Variants in KIRREL1 observed in about 807,000 individuals in gnomAD.
KIRREL1 encodes the protein kirre like nephrin family adhesion molecule 1, also known as kin of IRRE-like protein 1.
A neutral mutation model predicts 83.3 loss-of-function variants in KIRREL1; 25 were observed. That is an observed-to-expected ratio of 0.30 (90% CI 0.22 to 0.42). The LOEUF (loss-of-function observed/expected upper bound fraction) is 0.42, where lower values mean the gene tolerates loss of function less well. Ranked by LOEUF, KIRREL1 falls within the 10% of genes least tolerant of loss-of-function variation. The pLI is 1.00. For missense variants in KIRREL1, 812 were observed against 1,032.3 expected, an observed-to-expected ratio of 0.79 and a Z score of 2.92; for synonymous variants, 388 against 410.4, an observed-to-expected ratio of 0.95 and a Z score of 0.66.
At chr1:158,022,136 T>C (rs1660017927) in intron 1 of KIRREL1, among the ~76,000 whole-genome samples, 1 of 152,016 alleles carries the variant, frequency 6.6e-6, no homozygotes, top group Non-Finnish European at 1.5e-5. Context: ...TGGGTCAACA[T>C]AATGAAGTTT....
rs147856297 is a variant in KIRREL1 at position 158,094,906 on chromosome 1, A to T, written c.2060A>T (p.Tyr687Phe). 2.5e-6 allele frequency: 4 copies of T among 1,613,890 alleles called. No homozygotes were observed. The African/African-American group carries it at 5.3e-5, about 22-fold the overall frequency. ...ACCAGCCAGCTGTCCTACGAGAACTATGAGAAGTTCAACTCCCATCCCTTC... is the reference window on the plus strand; with the variant it reads ...ACCAGCCAGCTGTCCTACGAGAACTTTGAGAAGTTCAACTCCCATCCCTTC... ...DTTSQLSYEN[Y>F]EKFNSHPFPG... The change falls in exon 15 of 15, where the codon TAT becomes TTT. Residue 687 changes from tyrosine (Y) to phenylalanine (F), a missense_variant. This residue lies in a region of KIRREL1 where 334 missense variants were observed against 383.7 expected (regional missense o/e 0.87). Coordinates refer to ENST00000359209, the MANE Select transcript of KIRREL1 (RefSeq NM_018240.7). The surrounding 1 kb of genome is among the most constrained non-coding windows in gnomAD (Gnocchi z 4.6).
At chr1:158,090,399 G>A (rs942617134) in intron 10 of KIRREL1, among the ~76,000 whole-genome samples, 1 of 151,996 alleles carries the variant, frequency 6.6e-6, no homozygotes, top group Non-Finnish European at 1.5e-5. Context: ...CCCACACCAT[G>A]AGCCATTAAT....
chr1:158,064,630 A>T (rs1661312060), intron 1 of KIRREL1, among the ~76,000 whole-genome samples: 1 of 152,222 alleles, frequency 6.6e-6, no homozygotes, highest in Non-Finnish European at 1.5e-5. Context: ...AGAAAATTTT[A>T]TGTGAATAAC....
At chr1:158,070,121 G>A (rs1024996674) in intron 1 of KIRREL1, among the ~76,000 whole-genome samples, 9 of 152,328 alleles carry the variant, frequency 5.9e-5, no homozygotes, top group Non-Finnish European at 7.3e-5. Flanking sequence ...CAGAGCTGAA[G>A]AGTGCAGCCT....
At chr1:158,047,061 G>A (rs545943251) in intron 1 of KIRREL1, among the ~76,000 whole-genome samples, 16 of 152,278 alleles carry the variant, frequency 1.1e-4, no homozygotes, top group Admixed American at 9.2e-4. Flanking sequence ...CTCTCCTCAC[G>A]TGCTTAAAGG....
chr1:158,061,194 C>T (rs1365717591), intron 1 of KIRREL1, among the ~76,000 whole-genome samples: 1 of 152,138 alleles, frequency 6.6e-6, no homozygotes, highest in East Asian at 1.9e-4. Flanking sequence ...GCATGGCACC[C>T]TGTCCCTCTT....
chr1:158,069,854 T>C (rs1221063035), intron 1 of KIRREL1, among the ~76,000 whole-genome samples: 1 of 152,192 alleles, frequency 6.6e-6, no homozygotes, highest in African/African-American at 2.4e-5. Context: ...TTGTTGTGTA[T>C]AAAAGTGGCA....
chr1:158,000,332 T>C (rs1349677446), intron 1 of KIRREL1, among the ~76,000 whole-genome samples: 5 of 152,218 alleles, frequency 3.3e-5, no homozygotes, highest in Non-Finnish European at 7.3e-5. Context: ...TTGTGAGTCA[T>C]TTTTCTTCCA....
intron 1 of KIRREL1, among the ~76,000 whole-genome samples, chr1:158,049,502 C>T (rs765860188): frequency 6.6e-6 from 1 of 152,158 alleles, no homozygotes; most frequent in Admixed American, 6.5e-5. Context: ...GTAAAGTGCA[C>T]GTTGACCAGG....
chr1:157,993,645 A>C lies in KIRREL1; in HGVS notation c.-32A>C. ...GGCTCGCTCGCCAACTCCGGGCCCC[A>C]GCCGCGGGCGGGCGCACGGCGGGCG... On this transcript the variant is annotated 5_prime_UTR_variant, in exon 1 of 15. Transcript: ENST00000359209. 2 of 1,461,016 alleles carry C rather than the reference A, an allele frequency of 1.4e-6. No homozygotes were observed. Among genetic ancestry groups the C allele is most frequent in the Non-Finnish European group, 1.8e-6 (2 of 1,101,314 alleles). 90.5% of individuals were successfully genotyped at this position (1,461,016 alleles called of 1,614,324 possible). A position where few individuals can be genotyped will look rare whatever the true frequency, so the allele number is the denominator to read the frequency against.
intron 1 of KIRREL1, among the ~76,000 whole-genome samples, chr1:158,061,370 C>T (rs1925032): frequency 0.66 from 100,890 of 151,994 alleles, 36,532 homozygotes; most frequent in South Asian, 0.81. Context: ...ACAACAGAGG[C>T]GGAGGGATGA....
rs374770086 is a variant in KIRREL1, at chr1:158,093,377, G to A, written c.1510G>A (p.Gly504Ser). The A allele has an allele frequency of 9.3e-6, 15 of 1,614,096 alleles. No individual in the cohort carries two copies. In the Admixed American group the frequency reaches 1.2e-4, roughly 13 times the overall value. Residue 504 changes from glycine (G) to serine (S), a missense_variant, in exon 12 of 15, where the codon GGC (glycine) becomes AGC (serine). Transcript: ENST00000359209. ...PVGIIAGATI[G>S]ASILLIFFFI... ...GGGCATCATAGCTGGGGCCACCATC[G>A]GCGCGAGCATCCTGCTCATCTTCTT...
At chr1:158,079,686 G>A (rs1399256372) in intron 3 of KIRREL1, among the ~76,000 whole-genome samples, 1 of 152,224 alleles carries the variant, frequency 6.6e-6, no homozygotes, top group Admixed American at 6.5e-5. Context: ...AGAGCATAGT[G>A]GAAAGAGAGA....
At chr1:158,084,948 G>A (rs952283845) in intron 4 of KIRREL1, among the ~76,000 whole-genome samples, 7 of 152,160 alleles carry the variant, frequency 4.6e-5, no homozygotes, top group East Asian at 1.9e-4. Flanking sequence ...GGAAACTTGC[G>A]CTCAGAGAGG....
chr1:158,037,489 CA>C (rs759200504), intron 1 of KIRREL1, among the ~76,000 whole-genome samples: 2,191 of 44,048 alleles, frequency 0.05, 26 homozygotes, highest in African/African-American at 0.14. Flanking sequence ...AAGACTCTGG[CA>C]AAAAAAAAAA....
At chr1:158,027,199 A>G (rs1173697951) in intron 1 of KIRREL1, among the ~76,000 whole-genome samples, 1 of 152,234 alleles carries the variant, frequency 6.6e-6, no homozygotes, top group Admixed American at 6.5e-5. Context: ...CTAGTGGCTC[A>G]AAGAGGTAGG....
intron 1 of KIRREL1, among the ~76,000 whole-genome samples, chr1:158,017,792 C>G (rs1293127907): frequency 6.8e-6 from 1 of 147,414 alleles, no homozygotes; most frequent in Admixed American, 6.7e-5. Context: ...TAATTACTTA[C>G]AAGGAAAAAA....
intron 3 of KIRREL1, among the ~76,000 whole-genome samples, chr1:158,082,134 A>G (rs984347738): frequency 3.9e-5 from 6 of 152,222 alleles, no homozygotes; most frequent in Non-Finnish European, 5.9e-5. Context: ...ACAAGGAGGA[A>G]GAGCCAGGGA....
At chr1:158,042,673 A>T (rs547931234) in intron 1 of KIRREL1, among the ~76,000 whole-genome samples, 1 of 152,276 alleles carries the variant, frequency 6.6e-6, no homozygotes, top group East Asian at 1.9e-4. Flanking sequence ...AGGTACGACT[A>T]TTCCCCAGTT....
Sources: allele counts gnomAD v4.1 joint callset (sites outside exome capture counted in the v4.1 genomes callset), GRCh38; gene constraint gnomAD v4.1.1; regional missense constraint gnomAD v4.1.1; non-coding constraint Gnocchi (gnomAD v3.1); transcripts MANE v1.5; gene names NCBI Gene and HGNC (gene_info 2026-07-23, HGNC 2026-07-21).